Variants in TENM3 observed in about 807,000 individuals in gnomAD.
The protein encoded by TENM3 is teneurin-3.
TENM3 carries 63 observed loss-of-function variants against 255.1 expected under a neutral mutation model. The observed-to-expected ratio is 0.25, with a 90% CI of 0.20 to 0.30. The LOEUF is 0.30. Ranked by LOEUF, TENM3 falls within the 10% of genes least tolerant of loss-of-function variation. The pLI, the probability that TENM3 is intolerant of heterozygous loss-of-function variation, is 1.00. For synonymous variants in TENM3, 1,306 were observed against 1,322.3 expected, an observed-to-expected ratio of 0.99 and a Z score of 0.27; for missense variants, 2,929 against 3,461.1, an observed-to-expected ratio of 0.85 and a Z score of 3.86.
At position 182,743,172 on chromosome 4, in the gene TENM3, A is replaced by G. The variant is rs759091869; in HGVS notation, c.3382A>G (p.Ile1128Val). The stretch of plus-strand genomic sequence containing the variant: ...ACAATGCACTTTATTTCTTCTAGGT[A>G]TACTGTACAAGGGAAACGGGGAAAA... ...KHHVLDVQNG[I>V]LYKGNGENQF... Residue 1128 changes from isoleucine (I) to valine (V), a missense_variant and splice_region_variant, in exon 19 of 28, where the codon ATA (isoleucine) becomes GTA (valine). This residue lies in a region of TENM3 where 1,608 missense variants were observed against 1,884.4 expected (regional missense o/e 0.85). Coordinates refer to ENST00000511685, the MANE Select transcript of TENM3 (RefSeq NM_001080477.4). 9 of 1,605,312 alleles carry G rather than the reference A, an allele frequency of 5.6e-6. No individual in the cohort carries two copies. The highest frequency in any genetic ancestry group is 4.0e-5 in the African/African-American group (3 of 74,910).
At position 182,775,008 on chromosome 4, in the gene TENM3, C is replaced by T. The variant is rs755386669; in HGVS notation, c.5159C>T (p.Pro1720Leu). 7 of 1,613,832 alleles carry T rather than the reference C, an allele frequency of 4.3e-6. No homozygotes were observed. Among genetic ancestry groups the T allele is most frequent in the Admixed American group, 1.7e-5 (1 of 59,994 alleles). Residue 1720 changes from proline (P) to leucine (L), a missense_variant, in exon 24 of 28, where the codon CCG becomes CTG. Physicochemically the swap from Pro to Leu is moderately conservative, Grantham distance 98. Around this residue, in one of 6 missense-constraint regions of TENM3, gnomAD observed 303 missense variants for 425.2 expected, o/e 0.71. Coordinates refer to ENST00000511685, the MANE Select transcript of TENM3 (RefSeq NM_001080477.4). ...SGLDSHYQTE[P>L]HVLAGTANPT... ...CTGGACTCACACTACCAAACAGAGCCGCACGTTCTGGCTGGCACCGCTAAT... is the reference window on the plus strand; with the variant it reads ...CTGGACTCACACTACCAAACAGAGCTGCACGTTCTGGCTGGCACCGCTAAT...
At position 182,272,800 on chromosome 4, in the gene TENM3, G is replaced by C. The variant is rs138217457; in HGVS notation, c.-76+29324G>C. ...GTGCAAGAACATACATTACTGCAAT[G>C]ATTTCAGCTTGGGATAGGTGCTGTG... On this transcript the variant is annotated intron_variant, in intron 1 of 27. Coordinates refer to ENST00000511685, the MANE Select transcript of TENM3 (RefSeq NM_001080477.4). Among the ~76,000 whole-genome samples, 13 of 152,284 alleles carry C rather than the reference G, an allele frequency of 8.5e-5. No individual in the cohort carries two copies. The East Asian group carries it at 2.1e-3, about 25-fold the overall frequency.
At chr4:181,888,552 ATATATATACATATATG>A in the TENM3 span, among the ~76,000 whole-genome samples, 1 of 87,840 alleles carries the variant, frequency 1.1e-5, no homozygotes, top group Non-Finnish European at 2.3e-5. Flanking sequence ...ATATATATGT[ATATATATACATATATG>A]TATATATATA....
the TENM3 span, among the ~76,000 whole-genome samples, chr4:181,778,819 C>T: frequency 6.6e-6 from 1 of 152,092 alleles, no homozygotes; most frequent in Non-Finnish European, 1.5e-5. Context: ...CCAAGAGTTC[C>T]TTACTGGAAT....
chr4:182,509,762 AC>A (rs1737194550), intron 3 of TENM3, among the ~76,000 whole-genome samples: 1 of 151,676 alleles, frequency 6.6e-6, no homozygotes, highest in African/African-American at 2.4e-5. Flanking sequence ...ACATAGAGAA[AC>A]CCCATCTCTA....
rs565450759 is a variant in TENM3 at position 182,389,167 on chromosome 4, G to T, written c.511+42238G>T. Reference sequence around the variant, plus strand: ...ATGTTTTCCAACTTTTCATCCTGATGGTAAGGATAGTTGCCCGTGTTGGGT... The same window carrying T: ...ATGTTTTCCAACTTTTCATCCTGATTGTAAGGATAGTTGCCCGTGTTGGGT... On this transcript the variant is annotated intron_variant, in intron 3 of 27. Coordinates refer to ENST00000511685, the MANE Select transcript of TENM3 (RefSeq NM_001080477.4). Among the ~76,000 whole-genome samples, 7 of 152,224 alleles carry T rather than the reference G, an allele frequency of 4.6e-5. No homozygotes were observed. In the South Asian group the frequency reaches 1.5e-3, roughly 32 times the overall value.
intron 2 of TENM3, among the ~76,000 whole-genome samples, chr4:182,330,799 A>C (rs1763697928): frequency 6.6e-6 from 1 of 152,240 alleles, no homozygotes; most frequent in African/African-American, 2.4e-5. Flanking sequence ...ATTACAGAGC[A>C]ACTGGAAATG....
the TENM3 span, among the ~76,000 whole-genome samples, chr4:181,965,698 A>T: frequency 6.6e-6 from 1 of 152,352 alleles, no homozygotes; most frequent in Admixed American, 6.5e-5. Context: ...TCCAAACAAG[A>T]GTCACACCTT....
intron 3 of TENM3, among the ~76,000 whole-genome samples, chr4:182,462,596 A>G (rs571941844): frequency 8.5e-5 from 13 of 152,078 alleles, no homozygotes; most frequent in Middle Eastern, 3.4e-3. Flanking sequence ...ACAAATATGT[A>G]GTTAAAACTG....
chr4:182,141,524 C>G (rs1749426628), upstream of TENM3: 1 of 152,328 alleles, frequency 6.6e-6, no homozygotes, highest in East Asian at 1.9e-4. Flanking sequence ...ATTTAACACA[C>G]GTAAGCTGCC....
chr4:181,931,826 TC>T, the TENM3 span, among the ~76,000 whole-genome samples: 1 of 151,914 alleles, frequency 6.6e-6, no homozygotes, highest in Non-Finnish European at 1.5e-5. Flanking sequence ...GATATATAGA[TC>T]AATGGAACAG....
chr4:181,731,006 G>A, the TENM3 span, among the ~76,000 whole-genome samples: 2 of 152,080 alleles, frequency 1.3e-5, no homozygotes, highest in Non-Finnish European at 2.9e-5. Flanking sequence ...ATGAATTGTA[G>A]ACCACCCAGC....
At chr4:182,367,407 T>C (rs1216179485) in intron 3 of TENM3, among the ~76,000 whole-genome samples, 1 of 152,092 alleles carries the variant, frequency 6.6e-6, no homozygotes, top group African/African-American at 2.4e-5. Flanking sequence ...GTCTGGCCAG[T>C]CTAGGTCCTA....
intron 3 of TENM3, among the ~76,000 whole-genome samples, chr4:182,478,556 CCAAT>C (rs1733898854): frequency 6.6e-6 from 1 of 151,688 alleles, no homozygotes; most frequent in Admixed American, 6.6e-5. Flanking sequence ...GTGAGTCTTC[CCAAT>C]CACAGGCTTT....
Position 182,509,620 on chromosome 4 carries a change from G to T in TENM3, c.512-91304G>T, listed in dbSNP as rs189502618. Among the ~76,000 whole-genome samples, 4 of 152,228 alleles carry T rather than the reference G, an allele frequency of 2.6e-5. 1 individual carries two copies. Among genetic ancestry groups the T allele is most frequent in the Admixed American group, 2.6e-4 (4 of 15,282 alleles). On this transcript the variant is annotated intron_variant, in intron 3 of 27. Coordinates refer to ENST00000511685, the MANE Select transcript of TENM3 (RefSeq NM_001080477.4). ...GCCGTGTCTAAGAACAAGAAGGATA[G>T]AATTAAATCAATGAGGGGATGGAAA...
chr4:182,087,829 AC>A, the TENM3 span, among the ~76,000 whole-genome samples: 1 of 152,178 alleles, frequency 6.6e-6, no homozygotes, highest in Non-Finnish European at 1.5e-5. Flanking sequence ...TAGGTACGTT[AC>A]ACTTCTTACA....
In TENM3 at chr4:182,723,629, C is replaced by G. The variant is rs1731569385; in HGVS notation, c.2369-5336C>G. Among the ~76,000 whole-genome samples the G allele has an allele frequency of 2.0e-5, 3 of 152,016 alleles. No homozygotes were observed. The South Asian group carries it at 6.2e-4, about 31-fold the overall frequency. Reference sequence around the variant, plus strand: ...GGTAACCCAGGAAAAGACCTGTAGTCAAGAGTTTTAATAATCCAACAAAAT... The same window carrying G: ...GGTAACCCAGGAAAAGACCTGTAGTGAAGAGTTTTAATAATCCAACAAAAT... On this transcript the variant is annotated intron_variant, in intron 13 of 27. Coordinates refer to ENST00000511685, the MANE Select transcript of TENM3 (RefSeq NM_001080477.4).
the TENM3 span, among the ~76,000 whole-genome samples, chr4:181,547,412 A>G: frequency 6.6e-6 from 1 of 152,196 alleles, no homozygotes; most frequent in Non-Finnish European, 1.5e-5. Flanking sequence ...ATCTAGGATA[A>G]TCTATGTTAT....
intron 3 of TENM3, among the ~76,000 whole-genome samples, chr4:182,507,714 G>A (rs1736983887): frequency 6.6e-6 from 1 of 152,122 alleles, no homozygotes; most frequent in African/African-American, 2.4e-5. Flanking sequence ...CAAATATCTG[G>A]AAGTCTTCCA....
Sources: allele counts gnomAD v4.1 joint callset (sites outside exome capture counted in the v4.1 genomes callset), GRCh38; gene constraint gnomAD v4.1.1; regional missense constraint gnomAD v4.1.1; transcripts MANE v1.5; gene names NCBI Gene and HGNC (gene_info 2026-07-23, HGNC 2026-07-21).